CSMD1: variants seen among roughly 807,000 people sequenced by gnomAD.
CSMD1 encodes the protein CUB and sushi domain-containing protein 1.
In CSMD1, 213 loss-of-function variants were observed where a neutral mutation model predicts 417.5. The observed-to-expected ratio is 0.51, with a 90% CI of 0.46 to 0.57. The LOEUF is 0.57. Among genes scored for constraint, CSMD1 ranks in the 20% least tolerant of loss-of-function variants. CSMD1 has a pLI of 0.00. For synonymous variants in CSMD1, 2,862 were observed against 1,736.8 expected, an observed-to-expected ratio of 1.65 and a Z score of -16.11; for missense variants, 6,923 against 4,529.7, an observed-to-expected ratio of 1.53 and a Z score of -15.17.
chr8:4,130,583 T>C (rs1473568385), intron 3 of CSMD1, among the ~76,000 whole-genome samples: 4 of 152,176 alleles, frequency 2.6e-5, no homozygotes, highest in African/African-American at 7.2e-5. Context: ...TTATGTTTTC[T>C]AACTTGCAAA....
At chr8:4,457,619 C>T (rs1799567845) in intron 2 of CSMD1, among the ~76,000 whole-genome samples, 1 of 151,940 alleles carries the variant, frequency 6.6e-6, no homozygotes, top group African/African-American at 2.4e-5. Context: ...CATAATGGAG[C>T]CAATCATCAT....
chr8:4,267,678 C>G (rs1804305959), intron 3 of CSMD1, among the ~76,000 whole-genome samples: 1 of 152,064 alleles, frequency 6.6e-6, no homozygotes, highest in African/African-American at 2.4e-5. Context: ...TTTGGCTTCA[C>G]TCCCTCCTTA....
At chr8:3,233,225 G>C (rs928657496) in intron 26 of CSMD1, among the ~76,000 whole-genome samples, 1 of 152,076 alleles carries the variant, frequency 6.6e-6, no homozygotes, top group African/African-American at 2.4e-5. Flanking sequence ...GCCTTTAAGA[G>C]GTGATTGTAT....
chr8:3,949,268 G>A (rs560752401), intron 5 of CSMD1, among the ~76,000 whole-genome samples: 2 of 152,158 alleles, frequency 1.3e-5, no homozygotes, highest in South Asian at 4.2e-4. Context: ...ATCAACTACA[G>A]CTATCATGTT....
chr8:3,265,368 A>T (rs993168384), intron 26 of CSMD1, among the ~76,000 whole-genome samples: 2 of 152,218 alleles, frequency 1.3e-5, no homozygotes, highest in Non-Finnish European at 2.9e-5. Context: ...GCCAAGCGTG[A>T]TAAAGATAAT....
chr8:4,959,862 T>G (rs1809362992), intron 1 of CSMD1, among the ~76,000 whole-genome samples: 1 of 152,198 alleles, frequency 6.6e-6, no homozygotes, highest in Non-Finnish European at 1.5e-5. Flanking sequence ...AAAACATCAG[T>G]GTCTCAATGA....
intron 10 of CSMD1, among the ~76,000 whole-genome samples, chr8:3,521,746 A>G (rs28435796): frequency 0.17 from 26,097 of 152,230 alleles, 2,391 homozygotes; most frequent in Admixed American, 0.25. Flanking sequence ...ATGTTAAGTA[A>G]ATTCTCATTT....
rs573633638 is a variant in CSMD1, at chr8:3,218,560, CAAAAAT to C, written c.4672+689_4672+694del. Among the ~76,000 whole-genome samples, 364 of 128,696 alleles carry C rather than the reference CAAAAAT, an allele frequency of 2.8e-3. 1 individual carries two copies. The highest frequency in any genetic ancestry group is 9.7e-3 in the African/African-American group (326 of 33,498). The allele number at this position is 128,696 out of a possible 152,430, so 84.4% of individuals were successfully genotyped here. A position where few individuals can be genotyped will look rare whatever the true frequency, so the allele number is the denominator to read the frequency against. On this transcript the variant is annotated intron_variant, in intron 29 of 69. Transcript: ENST00000635120. The stretch of plus-strand genomic sequence containing the variant: ...TGCATGATAGAGCAAGACTCCATCT[CAAAAAT>C]AAAAAAAAAAAGAAATTATTTTTGG...
chr8:4,183,662 T>G (rs1286464777), intron 3 of CSMD1, among the ~76,000 whole-genome samples: 2 of 152,220 alleles, frequency 1.3e-5, no homozygotes, highest in Non-Finnish European at 2.9e-5. Context: ...TTACAAATAC[T>G]TAACAAAAAT....
chr8:3,811,362 C>G (rs1585033600), intron 5 of CSMD1, among the ~76,000 whole-genome samples: 2 of 152,120 alleles, frequency 1.3e-5, no homozygotes, highest in South Asian at 4.1e-4. Context: ...AAACTTCAGC[C>G]TTTACCTGTG....
At chr8:3,188,078 ATATG>A (rs1796172953) in intron 35 of CSMD1, 113 bp from the exon 36 acceptor site, 1 of 338,398 alleles carries the variant, frequency 3.0e-6, no homozygotes, top group African/African-American at 2.4e-5. Context: ...ATATATATAC[ATATG>A]TATATGTATA....
intron 27 of CSMD1, among the ~76,000 whole-genome samples, chr8:3,229,665 T>G (rs957546582): frequency 6.6e-6 from 1 of 152,104 alleles, no homozygotes; most frequent in Non-Finnish European, 1.5e-5. Context: ...GTACTTTTAG[T>G]GAGTAGGTTT....
chr8:4,612,782 C>G (rs1013487740), intron 2 of CSMD1, among the ~76,000 whole-genome samples: 6 of 152,138 alleles, frequency 3.9e-5, no homozygotes, highest in Admixed American at 2.0e-4. Flanking sequence ...CAACAAACAG[C>G]ACCAGTAACA....
At chr8:4,973,514 T>A (rs1810366358) in intron 1 of CSMD1, among the ~76,000 whole-genome samples, 1 of 152,202 alleles carries the variant, frequency 6.6e-6, no homozygotes, top group Non-Finnish European at 1.5e-5. Flanking sequence ...CTTTGTTGAA[T>A]TCTATAGAAT....
At chr8:3,556,533 C>A (rs1181341128) in intron 10 of CSMD1, among the ~76,000 whole-genome samples, 4 of 148,896 alleles carry the variant, frequency 2.7e-5, no homozygotes, top group African/African-American at 1.0e-4. Context: ...CACACACACA[C>A]ACACACACAC....
intron 2 of CSMD1, among the ~76,000 whole-genome samples, chr8:4,442,184 C>T (rs1388699412): frequency 9.9e-5 from 15 of 152,164 alleles, no homozygotes; most frequent in Non-Finnish European, 1.5e-4. Flanking sequence ...GGCAAAGTGA[C>T]AATCTCCTGA....
intron 3 of CSMD1, among the ~76,000 whole-genome samples, chr8:4,281,332 C>T (rs1372709787): frequency 6.6e-6 from 1 of 152,096 alleles, no homozygotes; most frequent in Non-Finnish European, 1.5e-5. Flanking sequence ...ACAGGTGGTC[C>T]CAGGCCCACA....
intron 6 of CSMD1, among the ~76,000 whole-genome samples, chr8:3,721,205 G>A (rs980308751): frequency 2.0e-5 from 3 of 152,066 alleles, no homozygotes; most frequent in African/African-American, 4.8e-5. Context: ...GATTTTCAAA[G>A]GAATGCAATT....
At chr8:3,098,829 TG>T (rs1308972235) in intron 46 of CSMD1, among the ~76,000 whole-genome samples, 3 of 152,138 alleles carry the variant, frequency 2.0e-5, no homozygotes, top group Non-Finnish European at 4.4e-5. Context: ...GGCTCTGACG[TG>T]TAAGTACAGA....
Sources: allele counts gnomAD v4.1 joint callset (sites outside exome capture counted in the v4.1 genomes callset), GRCh38; gene constraint gnomAD v4.1.1; transcripts MANE v1.5; gene names NCBI Gene and HGNC (gene_info 2026-07-23, HGNC 2026-07-21).